The following NLRP1 variants were observed in gnomAD, a reference collection of about 807,000 sequenced individuals.
NLRP1 encodes the protein NACHT, LRR and PYD domains-containing protein 1.
NLRP1 carries 94 observed loss-of-function variants against 136.7 expected under a neutral mutation model. The observed-to-expected ratio is 0.69, with a 90% CI of 0.58 to 0.82. The LOEUF is 0.82. NLRP1 is among the 40% of genes least tolerant of loss of function. NLRP1 has a pLI of 0.00. For synonymous variants in NLRP1, 690 were observed against 725.1 expected (o/e 0.95, Z 0.78); for missense variants, 1,575 against 1,802.7 (o/e 0.87, Z 2.29).
chr17:5,555,202 A>G (rs137874936), intron 4 of NLRP1, among the ~76,000 whole-genome samples: 2,788 of 152,338 alleles, frequency 0.018, 35 homozygotes, highest in Non-Finnish European at 0.031. Context: ...TTAAAAATTT[A>G]TACTTGAAAA....
At chr17:5,577,636 C>A (rs1439620792) in intron 3 of NLRP1, among the ~76,000 whole-genome samples, 1 of 151,974 alleles carries the variant, frequency 6.6e-6, no homozygotes, top group South Asian at 2.1e-4. Context: ...AAGAACATTC[C>A]ATGCTCATGG....
At chr17:5,519,471 GT>G in intron 14 of NLRP1, among the ~76,000 whole-genome samples, 1 of 144,436 alleles carries the variant, frequency 6.9e-6, no homozygotes, top group African/African-American at 2.6e-5. Context: ...TTTAGACAGA[GT>G]TTTGCTCTTG....
chr17:5,582,209 T>C (rs983872565), intron 2 of NLRP1, 147 bp from the exon 3 acceptor site: 49 of 731,978 alleles, frequency 6.7e-5, no homozygotes, highest in Non-Finnish European at 9.1e-5. Context: ...GGCAATTTTA[T>C]TCTCTTAGTA....
At chr17:5,535,652 C>G (rs1195486287) in intron 8 of NLRP1, among the ~76,000 whole-genome samples, 2 of 152,204 alleles carry the variant, frequency 1.3e-5, no homozygotes, top group Admixed American at 1.3e-4. Context: ...ACTGCTGTGT[C>G]CTTAGATCCC....
At chr17:5,573,081 T>C (rs1904592538) in intron 3 of NLRP1, among the ~76,000 whole-genome samples, 1 of 152,164 alleles carries the variant, frequency 6.6e-6, no homozygotes, top group Non-Finnish European at 1.5e-5. Flanking sequence ...AGGGAAGCTG[T>C]GACAGATGGC....
At chr17:5,553,230 A>T (rs1280349206) in intron 5 of NLRP1, among the ~76,000 whole-genome samples, 156 bp downstream of exon 5, 2 of 151,986 alleles carry the variant, frequency 1.3e-5, no homozygotes, top group African/African-American at 2.4e-5. Context: ...TGAGCAAAAA[A>T]TCCTATCTGT....
At chr17:5,522,942 C>T (rs1428604194) in intron 12 of NLRP1, among the ~76,000 whole-genome samples, 2 of 152,142 alleles carry the variant, frequency 1.3e-5, no homozygotes, top group Non-Finnish European at 2.9e-5. Context: ...CCTCCTCCAG[C>T]ACTGTGTGGG....
intron 6 of NLRP1, among the ~76,000 whole-genome samples, chr17:5,540,506 G>C (rs1282030037): frequency 6.6e-6 from 1 of 152,120 alleles, no homozygotes; most frequent in Admixed American, 6.5e-5. Context: ...ATGTCACAAA[G>C]CATTCCAGGG....
intron 14 of NLRP1, among the ~76,000 whole-genome samples, chr17:5,519,984 G>T (rs1352542361): frequency 6.7e-6 from 1 of 150,316 alleles, no homozygotes; most frequent in Non-Finnish European, 1.5e-5. Flanking sequence ...AGCCCCCTGA[G>T]TAGCTGGCAT....
downstream of NLRP1, chr17:5,512,098 A>C (rs150510280): frequency 7.9e-3 from 6,036 of 759,818 alleles, 35 homozygotes; most frequent in Non-Finnish European, 0.011. Context: ...TGGTGCATCC[A>C]CAATGTCTTC....
chr17:5,550,744 T>C lies in NLRP1; in HGVS notation c.2528+2642A>G, dbSNP rs75314515. ...CCCCCTGCTTGCTTTTGGTTTTGTT[T>C]GCTTTTTAAAAAAATTTCTTTACTA... On this transcript the variant is annotated intron_variant, in intron 5 of 16. Transcript: ENST00000572272. Among the ~76,000 whole-genome samples the C allele has an allele frequency of 0.01, 1,596 of 152,314 alleles. 128 individuals carry two copies. In the South Asian group the frequency reaches 0.16, roughly 16 times the overall value.
chr17:5,529,913 G>C, intron 12 of NLRP1: 1 of 446,064 alleles, frequency 2.2e-6, no homozygotes, highest in Non-Finnish European at 4.5e-6. Context: ...ATTTTTGACT[G>C]TTAGCTGATA....
chr17:5,576,760 C>T (rs972290823), intron 3 of NLRP1, among the ~76,000 whole-genome samples: 2 of 152,070 alleles, frequency 1.3e-5, no homozygotes, highest in Non-Finnish European at 2.9e-5. Flanking sequence ...ACTCATTTTA[C>T]GAGGCAAGCA....
At position 5,521,651 on chromosome 17, in the gene NLRP1, AG is replaced by A; in HGVS notation, c.3655del (p.Leu1219Ter). 4 of 1,614,048 alleles carry A rather than the reference AG, an allele frequency of 2.5e-6. No individual in the cohort carries two copies. The highest frequency in any genetic ancestry group is 3.4e-6 in the Non-Finnish European group (4 of 1,180,018). On this transcript the variant is annotated frameshift_variant, in exon 13 of 17. Coordinates refer to ENST00000572272, the MANE Select transcript of NLRP1 (RefSeq NM_033004.4). LOFTEE classifies it high-confidence loss of function. ...GCGCAGGGCATTATGGATCATTTTC[AG>A]GAGGACTCCCAAGGGGGAGAAGCTG... ...NPSFSPLGVLLKMIHNALRFI... is the reference protein window; with the variant it reads ...NPSFSPLGVLXKMIHNALRFI...
chr17:5,559,631 C>G lies in NLRP1; in HGVS notation c.1065G>C (p.Gln355His). ...CATGCTGGAAGCGGTCCCCATACAG[C>G]TGGCCTCTCCCCCAGGCTTCCTTCA... ...RQVKEAWGRG[Q>H]LYGDRFQHVF... Residue 355 changes from glutamine to histidine, a missense_variant, in exon 4 of 17, where the codon CAG becomes CAC. Coordinates refer to ENST00000572272, the MANE Select transcript of NLRP1 (RefSeq NM_033004.4). The G allele has an allele frequency of 6.2e-7, 1 of 1,614,274 alleles. No individual in the cohort carries two copies. The highest frequency in any genetic ancestry group is 8.5e-7 in the Non-Finnish European group (1 of 1,180,052).
At chr17:5,558,063 G>A (rs892099758) in intron 4 of NLRP1, among the ~76,000 whole-genome samples, 10 of 152,204 alleles carry the variant, frequency 6.6e-5, no homozygotes, top group South Asian at 2.1e-4. Flanking sequence ...GAAGATGGAC[G>A]GTCATTCTAA....
chr17:5,584,033 C>T lies in NLRP1; in HGVS notation c.-76G>A. On this transcript the variant is annotated 5_prime_UTR_variant, in exon 1 of 17. Coordinates refer to ENST00000572272, the MANE Select transcript of NLRP1 (RefSeq NM_033004.4). The stretch of plus-strand genomic sequence containing the variant: ...GGTATCAGGCAGGCAGAGAACAGTG[C>T]TGTCCTTTGCCTTGGCTCTTACCGT... 1.4e-6 allele frequency: 2 copies of T among 1,413,202 alleles called. No homozygotes were observed. The highest frequency in any genetic ancestry group is 1.9e-6 in the Non-Finnish European group (2 of 1,041,224). The allele number at this position is 1,413,202 out of a possible 1,614,324, so 87.5% of individuals were successfully genotyped here.
intron 15 of NLRP1, among the ~76,000 whole-genome samples, chr17:5,516,354 A>G (rs758792488): frequency 6.6e-6 from 1 of 152,208 alleles, no homozygotes; most frequent in Non-Finnish European, 1.5e-5. Flanking sequence ...CAAAGAATTT[A>G]CAAACCAAAA....
intron 5 of NLRP1, among the ~76,000 whole-genome samples, chr17:5,547,734 A>G (rs1380675601): frequency 6.6e-6 from 1 of 152,154 alleles, no homozygotes; most frequent in Non-Finnish European, 1.5e-5. Flanking sequence ...CTCCTTGGAT[A>G]GGTCTTAGGA....
Sources: gnomAD v4.1 joint callset for allele counts (sites outside exome capture counted in the v4.1 genomes callset) on GRCh38, gnomAD v4.1.1 for gene constraint, MANE v1.5 for transcripts, NCBI Gene and HGNC (gene_info 2026-07-23, HGNC 2026-07-21) for gene names.